RANBP2: variants seen among roughly 807,000 people sequenced by gnomAD.
RANBP2 encodes RAN binding protein 2, also known as E3 SUMO-protein ligase RanBP2.
In RANBP2, 57 loss-of-function variants were observed where a neutral mutation model predicts 303.6. The observed-to-expected ratio is 0.19, with a 90% CI of 0.15 to 0.23. The LOEUF is 0.23. Among genes scored for constraint, RANBP2 ranks in the 10% least tolerant of loss-of-function variants. The pLI is 1.00. For missense variants in RANBP2, 3,138 were observed against 3,780.8 expected, an observed-to-expected ratio of 0.83 and a Z score of 4.46; for synonymous variants, 1,167 against 1,301.5, an observed-to-expected ratio of 0.90 and a Z score of 2.23.
chr2:108,794,544 C>T, the RANBP2 span: 1 of 1,593,256 alleles, frequency 6.3e-7, no homozygotes, highest in Non-Finnish European at 8.5e-7. Flanking sequence ...TTGCAGTTGC[C>T]TTGCCAACTA....
the RANBP2 span, among the ~76,000 whole-genome samples, chr2:109,468,611 T>C: frequency 2.0e-5 from 3 of 151,964 alleles, no homozygotes; most frequent in East Asian, 5.8e-4. Context: ...CCCAGCACTT[T>C]GGGAGGCCGA....
At chr2:108,732,681 C>A (rs1170767555) in intron 4 of RANBP2, among the ~76,000 whole-genome samples, 1 of 152,226 alleles carries the variant, frequency 6.6e-6, no homozygotes, top group East Asian at 1.9e-4. Flanking sequence ...AGATCTTCCT[C>A]ATGCTGCCCC....
the RANBP2 span, among the ~76,000 whole-genome samples, chr2:109,057,093 A>G: frequency 6.6e-6 from 1 of 152,158 alleles, no homozygotes; most frequent in Non-Finnish European, 1.5e-5. Flanking sequence ...GTTTTTGAAT[A>G]CCTAGGGTTT....
chr2:109,181,342 T>C, the RANBP2 span, among the ~76,000 whole-genome samples: 1 of 152,224 alleles, frequency 6.6e-6, no homozygotes, highest in African/African-American at 2.4e-5. Flanking sequence ...GGTACATTAC[T>C]GTTCACTAAA....
At chr2:109,375,578 G>A in the RANBP2 span, among the ~76,000 whole-genome samples, 1 of 152,234 alleles carries the variant, frequency 6.6e-6, no homozygotes, top group African/African-American at 2.4e-5. Context: ...TTCAGAAGGC[G>A]CTTGTTCTAA....
At chr2:109,557,370 AC>A in the RANBP2 span, among the ~76,000 whole-genome samples, 18 of 152,304 alleles carry the variant, frequency 1.2e-4, no homozygotes, top group South Asian at 3.3e-3. Flanking sequence ...CTTTATGTTG[AC>A]TATTTAATTC....
At chr2:108,998,135 T>G in the RANBP2 span, among the ~76,000 whole-genome samples, 4 of 152,198 alleles carry the variant, frequency 2.6e-5, no homozygotes, top group Non-Finnish European at 1.5e-5. Flanking sequence ...ACCTCCTAAT[T>G]GCTAAAGCCA....
At chr2:109,396,537 A>C in the RANBP2 span, among the ~76,000 whole-genome samples, 1 of 152,208 alleles carries the variant, frequency 6.6e-6, no homozygotes, top group African/African-American at 2.4e-5. Context: ...CATGCCACTT[A>C]AACTCAGCAG....
the RANBP2 span, among the ~76,000 whole-genome samples, chr2:109,153,259 C>T: frequency 6.6e-6 from 1 of 152,130 alleles, no homozygotes; most frequent in African/African-American, 2.4e-5. Flanking sequence ...TACATTAATT[C>T]TTGAAGGGAA....
chr2:109,129,986 T>C, the RANBP2 span: 1 of 1,298,068 alleles, frequency 7.7e-7, no homozygotes, highest in Non-Finnish European at 9.7e-7. Context: ...GCCCCCACGC[T>C]CGCGGGCGGC....
At chr2:109,724,217 G>A in the RANBP2 span, among the ~76,000 whole-genome samples, 1 of 152,126 alleles carries the variant, frequency 6.6e-6, no homozygotes, top group Non-Finnish European at 1.5e-5. Flanking sequence ...CTCCAGCTTT[G>A]TTCTTTTTGC....
the RANBP2 span, among the ~76,000 whole-genome samples, chr2:108,808,363 T>C: frequency 6.6e-6 from 1 of 152,220 alleles, no homozygotes; most frequent in East Asian, 1.9e-4. Context: ...TTCTCTCCTG[T>C]GAATATATAC....
chr2:108,742,769 C>G (rs1696215456), intron 7 of RANBP2, among the ~76,000 whole-genome samples: 1 of 152,126 alleles, frequency 6.6e-6, no homozygotes, highest in Non-Finnish European at 1.5e-5. Context: ...TAGAAATTCT[C>G]AAGTAACTGA....
the RANBP2 span, among the ~76,000 whole-genome samples, chr2:109,290,024 G>A: frequency 3.9e-5 from 6 of 152,140 alleles, no homozygotes; most frequent in Non-Finnish European, 8.8e-5. Context: ...TGCAGATTCC[G>A]ATTCTATAGG....
At chr2:109,517,459 T>A in the RANBP2 span, among the ~76,000 whole-genome samples, 1 of 152,078 alleles carries the variant, frequency 6.6e-6, no homozygotes, top group East Asian at 1.9e-4. Flanking sequence ...GCCGGGTGAG[T>A]GAACAGAGTC....
At chr2:109,606,395 C>CA in the RANBP2 span, among the ~76,000 whole-genome samples, 1 of 151,880 alleles carries the variant, frequency 6.6e-6, no homozygotes, top group African/African-American at 2.4e-5. Flanking sequence ...AGTCTGGCGA[C>CA]AAAGCAAGAC....
At chr2:109,401,167 C>A in the RANBP2 span, among the ~76,000 whole-genome samples, 1 of 152,198 alleles carries the variant, frequency 6.6e-6, no homozygotes, top group Admixed American at 6.5e-5. Context: ...GGGGAGCTCA[C>A]CCTGTTTGTC....
the RANBP2 span, among the ~76,000 whole-genome samples, chr2:109,524,346 G>A: frequency 6.7e-6 from 1 of 148,508 alleles, no homozygotes; most frequent in South Asian, 2.2e-4. Context: ...ATTTGAATGA[G>A]ATCATGTGTG....
At chr2:109,453,316 A>G in the RANBP2 span, among the ~76,000 whole-genome samples, 2 of 151,796 alleles carry the variant, frequency 1.3e-5, no homozygotes, top group Non-Finnish European at 2.9e-5. Context: ...CAAGTTACAC[A>G]GTAGAACTCA....
Sources: allele counts gnomAD v4.1 joint callset (sites outside exome capture counted in the v4.1 genomes callset), GRCh38; gene constraint gnomAD v4.1.1; transcripts MANE v1.5; gene names NCBI Gene and HGNC (gene_info 2026-07-23, HGNC 2026-07-21).